CSF2RA: variants seen among roughly 807,000 people sequenced by gnomAD.
The protein encoded by CSF2RA is colony stimulating factor 2 receptor subunit alpha.
In CSF2RA, 42 loss-of-function variants were observed where a neutral mutation model predicts 51.6. The ratio of observed to expected loss-of-function variants is 0.81; its 90% CI spans 0.64 to 1.05. The LOEUF is 1.05. Ranked by LOEUF, CSF2RA falls within the 50% of genes least tolerant of loss-of-function variation. CSF2RA has a pLI of 0.00. For synonymous variants in CSF2RA, 222 were observed against 193.0 expected (o/e 1.15, Z -1.24); for missense variants, 530 against 501.1 (o/e 1.06, Z -0.55).
chrX:1,288,677 C>G (rs2091043798), intron 5 of CSF2RA, 35 bp downstream of exon 5: 2 of 1,613,960 alleles, frequency 1.2e-6, no homozygotes, highest in Non-Finnish European at 1.7e-6. Context: ...GTTTACAGCA[C>G]TGGCCCCACC....
chrX:1,287,462 G>A (rs1223911024), intron 4 of CSF2RA, among the ~76,000 whole-genome samples: 1 of 145,100 alleles, frequency 6.9e-6, no homozygotes, highest in African/African-American at 2.6e-5. Flanking sequence ...TTTATTTTTT[G>A]GGATGGAGTC....
At chrX:1,321,501 G>A in the CSF2RA span, among the ~76,000 whole-genome samples, 1 of 151,168 alleles carries the variant, frequency 6.6e-6, no homozygotes, top group African/African-American at 2.4e-5. Context: ...TAAAAACCCA[G>A]GAGGCAGAGG....
At chrX:1,323,978 C>G in the CSF2RA span, among the ~76,000 whole-genome samples, 1 of 151,354 alleles carries the variant, frequency 6.6e-6, no homozygotes, top group Non-Finnish European at 1.5e-5. Flanking sequence ...CACCCCACTG[C>G]ATTCCAGCCT....
chrX:1,322,441 T>TTG, the CSF2RA span, among the ~76,000 whole-genome samples: 19 of 80,316 alleles, frequency 2.4e-4, no homozygotes, highest in African/African-American at 5.7e-4. Flanking sequence ...GTGTGTTTGT[T>TTG]TTTTTTTTTT....
chrX:1,304,662 G>A lies in CSF2RA; in HGVS notation c.1043+643G>A, dbSNP rs1193637466. Among the ~76,000 whole-genome samples the A allele has an allele frequency of 5.7e-5, 8 of 140,376 alleles. 1 individual carries two copies. The South Asian group carries it at 2.1e-3, about 36-fold the overall frequency. The allele number at this position is 140,376 out of a possible 152,430, so 92.1% of individuals were successfully genotyped here. A position where few individuals can be genotyped will look rare whatever the true frequency, so the allele number is the denominator to read the frequency against. On this transcript the variant is annotated intron_variant, in intron 11 of 12. Coordinates refer to ENST00000381529, the MANE Select transcript of CSF2RA (RefSeq NM_172245.4). ...GAGGTGGGTTTTTTTTTGTTTGTTT[G>A]TTTTTTTGTTTTTTGTTTTGAGACA... is the stretch of plus-strand genomic sequence containing the variant.
At chrX:1,320,664 ATT>A in the CSF2RA span, among the ~76,000 whole-genome samples, 45,254 of 122,796 alleles carry the variant, frequency 0.37, 7,790 homozygotes, top group East Asian at 0.83. Context: ...TGCCCAGCTA[ATT>A]TTTTTTTTTT....
the CSF2RA span, among the ~76,000 whole-genome samples, chrX:1,323,708 A>T: frequency 1.3e-5 from 2 of 150,490 alleles, no homozygotes; most frequent in Non-Finnish European, 3.0e-5. Flanking sequence ...ACATAGTGAG[A>T]CCCCCATCTC....
chrX:1,301,152 C>CAA (rs1192104789), intron 10 of CSF2RA, among the ~76,000 whole-genome samples: 1 of 129,408 alleles, frequency 7.7e-6, no homozygotes, highest in Non-Finnish European at 1.6e-5. Flanking sequence ...GACTCCGTCT[C>CAA]AAAAAAAAAA....
At chrX:1,311,007 G>C (rs2084155804), downstream of CSF2RA, among the ~76,000 whole-genome samples, 1 of 151,992 alleles carries the variant, frequency 6.6e-6, no homozygotes, top group South Asian at 2.1e-4. Context: ...TAGCACTTTG[G>C]GAGGCCGAGG....
downstream of CSF2RA, among the ~76,000 whole-genome samples, chrX:1,310,667 CAAAA>C (rs542174861): frequency 0.018 from 2,223 of 121,592 alleles, 51 homozygotes; most frequent in South Asian, 0.14. Context: ...GACTCCATCT[CAAAA>C]AAAAAAAAAA....
chrX:1,284,563 G>C (rs1447704123), intron 3 of CSF2RA, among the ~76,000 whole-genome samples: 60 of 148,102 alleles, frequency 4.1e-4, no homozygotes, highest in African/African-American at 1.4e-3. Flanking sequence ...AAGTAGCTGG[G>C]ACTGCAGAAA....
chrX:1,324,428 G>A, the CSF2RA span, among the ~76,000 whole-genome samples: 1 of 114,918 alleles, frequency 8.7e-6, no homozygotes, highest in African/African-American at 2.8e-5. Flanking sequence ...GAAAAAGAAA[G>A]AAGAGAGAGA....
downstream of CSF2RA, among the ~76,000 whole-genome samples, chrX:1,310,537 G>A (rs1212017981): frequency 2.0e-5 from 3 of 151,306 alleles, no homozygotes. Flanking sequence ...ACGTGGTAGC[G>A]GGCGCCTGTA....
At chrX:1,294,220 C>T in intron 7 of CSF2RA, 108 bp from the exon 8 acceptor site, 1 of 1,407,628 alleles carries the variant, frequency 7.1e-7, no homozygotes, top group Non-Finnish European at 1.0e-6. Context: ...TACTCCACCT[C>T]CACCTGGACC....
At chrX:1,301,174 T>C in intron 10 of CSF2RA, among the ~76,000 whole-genome samples, 2 of 60,154 alleles carry the variant, frequency 3.3e-5, no homozygotes, top group Admixed American at 3.1e-4. Flanking sequence ...GAAAAAAAAA[T>C]ACAAAAACTA....
intron 12 of CSF2RA, among the ~76,000 whole-genome samples, chrX:1,308,667 C>G (rs1218461903): frequency 2.6e-5 from 4 of 152,110 alleles, no homozygotes; most frequent in Non-Finnish European, 5.9e-5. Flanking sequence ...TAGACCTGGC[C>G]ATCTGTCATT....
At chrX:1,301,820 A>C (rs1262913174) in intron 10 of CSF2RA, among the ~76,000 whole-genome samples, 4 of 143,138 alleles carry the variant, frequency 2.8e-5, no homozygotes, top group South Asian at 2.3e-4. Context: ...TTTAGCCAGG[A>C]TGGTCTCGAT....
intron 1 of CSF2RA, 81 bp downstream of exon 1, chrX:1,268,960 A>G: frequency 2.2e-6 from 1 of 446,716 alleles, no homozygotes; most frequent in Admixed American, 2.4e-5. Flanking sequence ...CTGTCGATAG[A>G]AAAGAAAGAG....
the CSF2RA span, among the ~76,000 whole-genome samples, chrX:1,322,431 G>C: frequency 8.5e-6 from 1 of 117,862 alleles, no homozygotes. Context: ...TCTTAACTGT[G>C]TGTGTTTGTT....
Sources: gnomAD v4.1 joint callset for allele counts (sites outside exome capture counted in the v4.1 genomes callset) on GRCh38, gnomAD v4.1.1 for gene constraint, MANE v1.5 for transcripts, NCBI Gene and HGNC (gene_info 2026-07-23, HGNC 2026-07-21) for gene names.